The following PTPN4 variants were observed in gnomAD, a reference collection of about 807,000 sequenced individuals.
PTPN4 encodes tyrosine-protein phosphatase non-receptor type 4.
Under a neutral mutation model 135.5 loss-of-function variants are expected in PTPN4, and 49 were observed. That is an observed-to-expected ratio of 0.36 (90% CI 0.29 to 0.46). PTPN4 has a LOEUF of 0.46. Ranked by LOEUF, PTPN4 falls within the 20% of genes least tolerant of loss-of-function variation. The pLI is 1.00. For missense variants in PTPN4, 860 were observed against 1,101.0 expected (o/e 0.78, Z 3.10); for synonymous variants, 333 against 369.9 (o/e 0.90, Z 1.14).
At chr2:119,876,647 T>G (rs1677986760) in intron 3 of PTPN4, among the ~76,000 whole-genome samples, 1 of 152,164 alleles carries the variant, frequency 6.6e-6, no homozygotes, top group South Asian at 2.1e-4. Flanking sequence ...TTTTTCTGAA[T>G]TCAGTCCTAA....
At chr2:119,967,210 CT>C (rs1679456965) in intron 25 of PTPN4, among the ~76,000 whole-genome samples, 1 of 152,212 alleles carries the variant, frequency 6.6e-6, no homozygotes, top group Non-Finnish European at 1.5e-5. Context: ...TTCTGGGAGG[CT>C]GAGGCGGGCA....
intron 10 of PTPN4, among the ~76,000 whole-genome samples, chr2:119,912,507 G>C (rs1416466134): frequency 6.6e-6 from 1 of 152,158 alleles, no homozygotes; most frequent in Non-Finnish European, 1.5e-5. Flanking sequence ...GAGCCTAGCT[G>C]CTTTCCAAAA....
At chr2:119,788,987 A>T (rs114744590) in intron 1 of PTPN4, among the ~76,000 whole-genome samples, 2,560 of 152,302 alleles carry the variant, frequency 0.017, 41 homozygotes, top group Non-Finnish European at 0.027. Context: ...TTTTTGAGGA[A>T]CAACTCTACT....
intron 12 of PTPN4, among the ~76,000 whole-genome samples, chr2:119,923,848 A>G (rs920865496): frequency 6.6e-6 from 1 of 152,154 alleles, no homozygotes; most frequent in African/African-American, 2.4e-5. Context: ...ATAACTTTAA[A>G]AAAATGAGGC....
chr2:119,868,819 G>A (rs557037984), intron 3 of PTPN4, among the ~76,000 whole-genome samples: 4 of 152,054 alleles, frequency 2.6e-5, no homozygotes, highest in East Asian at 1.9e-4. Flanking sequence ...TAATAAATAC[G>A]TGGGTAAATC....
chr2:119,783,000 T>C (rs555973215), intron 1 of PTPN4, among the ~76,000 whole-genome samples: 22 of 25,046 alleles, frequency 8.8e-4, no homozygotes, highest in Admixed American at 1.7e-3. Context: ...CTGAAATCCC[T>C]TTTTTTTTTT....
chr2:119,862,576 A>T lies in PTPN4; in HGVS notation c.179A>T (p.Lys60Met). The change falls in exon 3 of 27, where the codon AAG becomes ATG. Residue 60 changes from lysine to methionine, a missense_variant. By Grantham distance (95) the Lys-to-Met change is moderately conservative (BLOSUM62 -1). Transcript: ENST00000263708. Reference protein sequence around the residue: ...QGQVLLDVVFKHLDLTEQDYF... With the variant: ...QGQVLLDVVFMHLDLTEQDYF... ...CAAGTCTTGTTGGATGTCGTCTTCA[A>T]GCATCTAGATTTGACTGAGCAGGAC... 1 of 1,613,204 alleles carries T rather than the reference A, an allele frequency of 6.2e-7. No individual in the cohort carries two copies. The highest frequency in any genetic ancestry group is 8.5e-7 in the Non-Finnish European group (1 of 1,179,582).
At chr2:119,969,918 C>T (rs970442409) in intron 26 of PTPN4, among the ~76,000 whole-genome samples, 2 of 151,920 alleles carry the variant, frequency 1.3e-5, no homozygotes, top group African/African-American at 2.4e-5. Flanking sequence ...TACTAAAAAC[C>T]GTCTTTTTAA....
chr2:119,760,277 G>C lies in PTPN4; in HGVS notation c.-125G>C, dbSNP rs971161406. The C allele has an allele frequency of 2.5e-6, 1 of 396,168 alleles. No homozygotes were observed. 24.5% of individuals were successfully genotyped at this position (396,168 alleles called of 1,614,324 possible). On this transcript the variant is annotated 5_prime_UTR_variant, in exon 1 of 27. Transcript: ENST00000263708. ...CTGCGGCGGCGGCTGCTCGGGGGGC[G>C]CTGAGGTAGCCCCCCGGAGCGGCAC...
intron 2 of PTPN4, among the ~76,000 whole-genome samples, chr2:119,829,171 A>G (rs1390692078): frequency 1.3e-5 from 2 of 151,832 alleles, no homozygotes; most frequent in Non-Finnish European, 2.9e-5. Context: ...GGATTTGTCC[A>G]TTTCTTCTTT....
intron 22 of PTPN4, among the ~76,000 whole-genome samples, chr2:119,958,095 C>T (rs1679314320): frequency 6.6e-6 from 1 of 151,778 alleles, no homozygotes; most frequent in African/African-American, 2.4e-5. Context: ...ATTTAATATA[C>T]AAAGAGCTTC....
At chr2:119,877,684 A>G in intron 5 of PTPN4, 142 bp downstream of exon 5, 2 of 1,193,184 alleles carry the variant, frequency 1.7e-6, no homozygotes, top group East Asian at 2.7e-5. Flanking sequence ...GGCTATTCCA[A>G]GATAACGTTT....
At chr2:119,821,913 A>G (rs143035008) in intron 2 of PTPN4, among the ~76,000 whole-genome samples, 13 of 152,206 alleles carry the variant, frequency 8.5e-5, no homozygotes, top group African/African-American at 2.9e-4. Context: ...GTCTGATACT[A>G]TTTCAATTCC....
intron 15 of PTPN4, among the ~76,000 whole-genome samples, chr2:119,936,557 G>A (rs2105040996): frequency 6.6e-6 from 1 of 152,318 alleles, no homozygotes; most frequent in African/African-American, 2.4e-5. Context: ...CTGCCGCCCT[G>A]TGAAGAGGTG....
chr2:119,901,370 T>C (rs1678401001), intron 10 of PTPN4, among the ~76,000 whole-genome samples: 1 of 152,130 alleles, frequency 6.6e-6, no homozygotes, highest in South Asian at 2.1e-4. Flanking sequence ...ACTGTAAGGC[T>C]CAGATTGTTT....
intron 2 of PTPN4, among the ~76,000 whole-genome samples, chr2:119,826,480 A>C (rs763160953): frequency 2.0e-5 from 3 of 152,084 alleles, no homozygotes; most frequent in Non-Finnish European, 4.4e-5. Context: ...CATCTCCCCA[A>C]CCCAATCTCC....
intron 1 of PTPN4, among the ~76,000 whole-genome samples, chr2:119,785,085 A>T (rs1025764547): frequency 6.6e-6 from 1 of 152,160 alleles, no homozygotes; most frequent in Non-Finnish European, 1.5e-5. Flanking sequence ...GTCCTGTGCA[A>T]TCCGTGATGT....
At chr2:119,849,021 C>T (rs935346964) in intron 2 of PTPN4, among the ~76,000 whole-genome samples, 4 of 152,152 alleles carry the variant, frequency 2.6e-5, no homozygotes, top group Admixed American at 2.6e-4. Context: ...TTTTTCATGA[C>T]AGGTATTTTT....
intron 1 of PTPN4, among the ~76,000 whole-genome samples, chr2:119,787,522 G>A (rs1691067372): frequency 1.3e-5 from 2 of 152,080 alleles, no homozygotes; most frequent in Non-Finnish European, 2.9e-5. Flanking sequence ...ATTCCAAACT[G>A]GTTTTCAGAT....
Sources: allele counts gnomAD v4.1 joint callset (sites outside exome capture counted in the v4.1 genomes callset), GRCh38; gene constraint gnomAD v4.1.1; transcripts MANE v1.5; gene names NCBI Gene and HGNC (gene_info 2026-07-23, HGNC 2026-07-21).